PDE3A: variants seen among roughly 807,000 people sequenced by gnomAD.
The protein encoded by PDE3A is phosphodiesterase 3A.
PDE3A carries 43 observed loss-of-function variants against 98.3 expected under a neutral mutation model. The observed-to-expected ratio is 0.44, with a 90% CI of 0.34 to 0.56. The LOEUF is 0.56. PDE3A is among the 20% of genes least tolerant of loss of function. The probability of loss-of-function intolerance (pLI) is 0.01; values close to 1 mark genes in which losing one functional copy is unlikely to be tolerated. For missense variants in PDE3A, 1,427 were observed against 1,440.7 expected, an observed-to-expected ratio of 0.99 and a Z score of 0.15; for synonymous variants, 663 against 567.9, an observed-to-expected ratio of 1.17 and a Z score of -2.38.
chr12:20,502,511 T>C (rs1226177486), intron 1 of PDE3A, among the ~76,000 whole-genome samples: 1 of 152,154 alleles, frequency 6.6e-6, no homozygotes, highest in Non-Finnish European at 1.5e-5. Flanking sequence ...CAAAAAATGT[T>C]TGTCTGTAGT....
rs147077425 is a variant in PDE3A at position 20,558,914 on chromosome 12, C to T, written c.1011+2204C>T. Reference sequence around the variant, plus strand: ...AGTTAATTTAGAACTGGTTTCTAAGCACTTCCTATGTTTACAGCACTGTGG... The same window carrying T: ...AGTTAATTTAGAACTGGTTTCTAAGTACTTCCTATGTTTACAGCACTGTGG... On this transcript the variant is annotated intron_variant, in intron 2 of 15. Coordinates refer to ENST00000359062, the MANE Select transcript of PDE3A (RefSeq NM_000921.5). Among the ~76,000 whole-genome samples the T allele has an allele frequency of 4.2e-3, 642 of 152,188 alleles. 6 individuals are homozygous for T. Among genetic ancestry groups the T allele is most frequent in the African/African-American group, 0.014 (583 of 41,520 alleles).
intron 2 of PDE3A, among the ~76,000 whole-genome samples, chr12:20,600,201 T>C (rs1307719536): frequency 6.6e-6 from 1 of 152,212 alleles, no homozygotes; most frequent in Non-Finnish European, 1.5e-5. Flanking sequence ...AATGCCCAAA[T>C]GTATATTTCC....
At chr12:20,672,960 G>A (rs1945528308) in intron 15 of PDE3A, among the ~76,000 whole-genome samples, 1 of 149,638 alleles carries the variant, frequency 6.7e-6, no homozygotes, top group African/African-American at 2.5e-5. Context: ...TCTGACAAAG[G>A]GCTAATATCC....
intron 1 of PDE3A, among the ~76,000 whole-genome samples, chr12:20,409,838 G>C (rs970941230): frequency 3.3e-5 from 5 of 152,132 alleles, no homozygotes; most frequent in African/African-American, 1.2e-4. Context: ...ATTTGTTATT[G>C]CGCATTCAGC....
rs1007350253 is a variant in PDE3A, at chr12:20,509,371, C to T, written c.961-47289C>T. ...GCTTCTAGAGCACCACCCATTTTTC[C>T]CCTTACAGAATGTTCACTTTCTGTC... On this transcript the variant is annotated intron_variant, in intron 1 of 15. Coordinates refer to ENST00000359062, the MANE Select transcript of PDE3A (RefSeq NM_000921.5). Among the ~76,000 whole-genome samples the T allele has an allele frequency of 2.0e-5, 3 of 152,062 alleles. No homozygotes were observed. The South Asian group carries it at 6.2e-4, about 32-fold the overall frequency.
chr12:20,636,717 G>T (rs185200292), intron 8 of PDE3A, among the ~76,000 whole-genome samples: 3 of 152,130 alleles, frequency 2.0e-5, no homozygotes, highest in Non-Finnish European at 4.4e-5. Context: ...ACATGACTAT[G>T]TAGAGATATA....
intron 1 of PDE3A, among the ~76,000 whole-genome samples, chr12:20,426,498 C>A (rs1199973552): frequency 6.6e-6 from 1 of 152,150 alleles, no homozygotes; most frequent in African/African-American, 2.4e-5. Context: ...ATACCATGTT[C>A]CGTCCAAGAC....
chr12:20,369,590 A>T lies in PDE3A; in HGVS notation c.306A>T (p.Glu102Asp). The T allele has an allele frequency of 6.4e-7, 1 of 1,560,448 alleles. No homozygotes were observed. The highest frequency in any genetic ancestry group is 8.7e-7 in the Non-Finnish European group (1 of 1,153,672). ...AGGCGGCGGCGGCGGAGGAGGAGGAAGCAGCCCCGGGAGCAGAAGGGGGCG... is the reference window on the plus strand; with the variant it reads ...AGGCGGCGGCGGCGGAGGAGGAGGATGCAGCCCCGGGAGCAGAAGGGGGCG... Reference protein sequence around the residue: ...CKEAAAAEEEEAAPGAEGGVF... With the variant: ...CKEAAAAEEEDAAPGAEGGVF... Residue 102 changes from glutamate (E) to aspartate (D), a missense_variant, in exon 1 of 16, where the codon GAA (glutamate) becomes GAT (aspartate). This residue lies in a region of PDE3A where 1,012 missense variants were observed against 886.5 expected (regional missense o/e 1.14). Transcript: ENST00000359062.
Position 20,622,374 on chromosome 12 carries a change from C to A in PDE3A, c.1540+963C>A, listed in dbSNP as rs561762414. Among the ~76,000 whole-genome samples, 191 of 152,248 alleles carry A rather than the reference C, an allele frequency of 1.3e-3. 1 individual carries two copies. The highest frequency in any genetic ancestry group is 4.5e-3 in the African/African-American group (186 of 41,566). The stretch of plus-strand genomic sequence containing the variant: ...GAACAATTTGCAGGATTTTGGCTCA[C>A]CTTTCTGAGGTTCTCTTCTTTATGG... On this transcript the variant is annotated intron_variant, in intron 5 of 15. Coordinates refer to ENST00000359062, the MANE Select transcript of PDE3A (RefSeq NM_000921.5).
At position 20,684,386 on chromosome 12, in the gene PDE3A, C is replaced by T. The variant is rs746213601; in HGVS notation, c.*4115C>T. ...CTTCCTTTCAAACTGTTAGAACGCT[C>T]CAATAAAACAAAGTTCTATGAACTT... is the stretch of plus-strand genomic sequence containing the variant. On this transcript the variant is annotated 3_prime_UTR_variant, in exon 16 of 16. Coordinates refer to ENST00000359062, the MANE Select transcript of PDE3A (RefSeq NM_000921.5). 1.3e-5 allele frequency: 2 copies of T among 152,090 alleles called. No individual in the cohort carries two copies. The highest frequency in any genetic ancestry group is 2.9e-5 in the Non-Finnish European group (2 of 68,010). The allele number at this position is 152,090 out of a possible 1,614,324, so 9.4% of individuals were successfully genotyped here.
At chr12:20,386,172 A>ATATATATAAATATATATAT (rs1565532689) in intron 1 of PDE3A, among the ~76,000 whole-genome samples, 1 of 47,118 alleles carries the variant, frequency 2.1e-5, no homozygotes, top group African/African-American at 8.9e-5. Context: ...TAAATATATA[A>ATATATATAAATATATATAT]AAATATATAT....
intron 1 of PDE3A, among the ~76,000 whole-genome samples, chr12:20,480,247 G>A (rs1945599394): frequency 6.6e-6 from 1 of 152,158 alleles, no homozygotes; most frequent in Non-Finnish European, 1.5e-5. Context: ...TGCTACAAAA[G>A]ACAGTTAATT....
At chr12:20,666,126 G>A (rs575060318) in intron 15 of PDE3A, among the ~76,000 whole-genome samples, 24 of 151,662 alleles carry the variant, frequency 1.6e-4, no homozygotes, top group Middle Eastern at 3.4e-3. Flanking sequence ...CACCATGCCC[G>A]GCTAATTTTT....
intron 2 of PDE3A, among the ~76,000 whole-genome samples, chr12:20,590,995 A>T (rs1943327517): frequency 6.6e-6 from 1 of 152,192 alleles, no homozygotes; most frequent in Non-Finnish European, 1.5e-5. Context: ...AAGTATTGCC[A>T]TTGTTGATAG....
At chr12:20,593,358 A>G (rs960742358) in intron 2 of PDE3A, among the ~76,000 whole-genome samples, 1 of 152,148 alleles carries the variant, frequency 6.6e-6, no homozygotes, top group Non-Finnish European at 1.5e-5. Flanking sequence ...ACACTTAAAG[A>G]CAACCAAGAA....
intron 1 of PDE3A, among the ~76,000 whole-genome samples, chr12:20,488,856 G>C (rs972086579): frequency 6.8e-6 from 1 of 148,034 alleles, no homozygotes; most frequent in Non-Finnish European, 1.5e-5. Context: ...ACTGCAGTCT[G>C]GGCAAGAGTG....
intron 8 of PDE3A, among the ~76,000 whole-genome samples, chr12:20,635,583 A>G (rs1229914506): frequency 6.7e-6 from 1 of 149,434 alleles, no homozygotes; most frequent in Non-Finnish European, 1.5e-5. Context: ...GTCTCAAAAA[A>G]AAAAAAAAGA....
chr12:20,376,361 C>G (rs1258176676), intron 1 of PDE3A, among the ~76,000 whole-genome samples: 1 of 151,880 alleles, frequency 6.6e-6, no homozygotes, highest in Non-Finnish European at 1.5e-5. Context: ...GGAAAGGAGT[C>G]AGGCTGCTAA....
intron 1 of PDE3A, among the ~76,000 whole-genome samples, chr12:20,432,860 A>G (rs1347741508): frequency 1.3e-5 from 2 of 152,072 alleles, no homozygotes; most frequent in Admixed American, 6.6e-5. Context: ...ATCTTTCAGT[A>G]TGCTTTTTTT....
Sources: gnomAD v4.1 joint callset for allele counts (sites outside exome capture counted in the v4.1 genomes callset) on GRCh38, gnomAD v4.1.1 for gene constraint, gnomAD v4.1.1 regional missense constraint, MANE v1.5 for transcripts, NCBI Gene and HGNC (gene_info 2026-07-23, HGNC 2026-07-21) for gene names.